NRXN3: variants seen among roughly 807,000 people sequenced by gnomAD.
NRXN3 encodes the protein neurexin 3, also known as neurexin III.
NRXN3 carries 32 observed loss-of-function variants against 137.6 expected under a neutral mutation model. The ratio of observed to expected loss-of-function variants is 0.23; its 90% CI spans 0.18 to 0.31. NRXN3 has a LOEUF of 0.31. NRXN3 is among the 10% of genes least tolerant of loss of function. NRXN3 has a pLI of 1.00. For missense variants in NRXN3, 1,574 were observed against 2,062.5 expected (o/e 0.76, Z 4.59); for synonymous variants, 798 against 784.5 (o/e 1.02, Z -0.29).
At chr14:79,508,517 G>T (rs1356592862) in intron 16 of NRXN3, among the ~76,000 whole-genome samples, 1 of 150,136 alleles carries the variant, frequency 6.7e-6, no homozygotes, top group Non-Finnish European at 1.5e-5. Flanking sequence ...AGCCTCCCAA[G>T]TAACTGGGAT....
intron 4 of NRXN3, among the ~76,000 whole-genome samples, chr14:78,376,307 A>T (rs1323643077): frequency 1.3e-5 from 2 of 152,202 alleles, no homozygotes; most frequent in Non-Finnish European, 2.9e-5. Flanking sequence ...GCTTCTACTC[A>T]GCTAGAGCAA....
chr14:78,630,900 C>T (rs1048626760), intron 4 of NRXN3, among the ~76,000 whole-genome samples: 2 of 152,166 alleles, frequency 1.3e-5, no homozygotes, highest in South Asian at 2.1e-4. Flanking sequence ...CCGCTGCACC[C>T]GGCCATTTTT....
At chr14:78,681,954 G>T (rs2098080420) in intron 6 of NRXN3, among the ~76,000 whole-genome samples, 1 of 152,014 alleles carries the variant, frequency 6.6e-6, no homozygotes, top group African/African-American at 2.4e-5. Flanking sequence ...TGCAACCTCT[G>T]CCTCCCGGGT....
At chr14:79,846,816 A>C (rs1369936904) in intron 20 of NRXN3, among the ~76,000 whole-genome samples, 1 of 152,160 alleles carries the variant, frequency 6.6e-6, no homozygotes, top group Non-Finnish European at 1.5e-5. Context: ...TTTCCTACCA[A>C]CTAGAATACT....
chr14:79,470,581 A>G (rs1476724140), intron 16 of NRXN3, among the ~76,000 whole-genome samples: 2 of 152,172 alleles, frequency 1.3e-5, no homozygotes, highest in Admixed American at 1.3e-4. Context: ...TTTCCAGCAC[A>G]TGGAATTTTG....
chr14:79,546,877 C>T (rs1172762671), intron 16 of NRXN3, among the ~76,000 whole-genome samples: 2 of 152,138 alleles, frequency 1.3e-5, no homozygotes, highest in African/African-American at 4.8e-5. Flanking sequence ...GGAGAGCAGA[C>T]TCAGACAGAT....
At chr14:79,803,654 AG>A (rs1321650374) in intron 19 of NRXN3, among the ~76,000 whole-genome samples, 2 of 152,040 alleles carry the variant, frequency 1.3e-5, no homozygotes, top group Admixed American at 6.6e-5. Flanking sequence ...ATGAATTTTG[AG>A]GGGACATAAT....
At chr14:79,230,258 T>A (rs2071910366) in intron 15 of NRXN3, among the ~76,000 whole-genome samples, 1 of 152,032 alleles carries the variant, frequency 6.6e-6, no homozygotes, top group East Asian at 1.9e-4. Flanking sequence ...GAGAGGAACA[T>A]GTTGTGTTGG....
chr14:78,897,822 C>G (rs1368924250), intron 10 of NRXN3, among the ~76,000 whole-genome samples: 1 of 151,846 alleles, frequency 6.6e-6, no homozygotes, highest in Non-Finnish European at 1.5e-5. Flanking sequence ...GTATAAATTC[C>G]TTGCTTGGTT....
rs892415467 is a variant in NRXN3 at position 78,242,906 on chromosome 14, G to A, written c.-188G>A. 8.9e-5 allele frequency: 46 copies of A among 517,752 alleles called. No individual in the cohort carries two copies. The Admixed American group carries it at 1.2e-3, about 14-fold the overall frequency. 32.1% of individuals were successfully genotyped at this position (517,752 alleles called of 1,614,324 possible). The stretch of plus-strand genomic sequence containing the variant: ...AATTTCTTGCTTGTGTGCCCCTCTG[G>A]GACTCTCTTGTACACTTTCCTCCAT... On this transcript the variant is annotated 5_prime_UTR_variant, in exon 2 of 21. Transcript: ENST00000335750.
Position 79,644,375 on chromosome 14 carries a change from A to G in NRXN3, c.3445-19403A>G, listed in dbSNP as rs574691486. On this transcript the variant is annotated intron_variant, in intron 16 of 20. Transcript: ENST00000335750. ...GATCTGTCCATGGAAATCTCCTGAG[A>G]GAAGAAGGTTTGGGGATGCATATAA... Among the ~76,000 whole-genome samples the G allele has an allele frequency of 4.4e-5, 6 of 135,996 alleles. No individual in the cohort carries two copies. The East Asian group carries it at 1.2e-3, about 27-fold the overall frequency. The allele number at this position is 135,996 out of a possible 152,430, so 89.2% of individuals were successfully genotyped here. A position where few individuals can be genotyped will look rare whatever the true frequency, so the allele number is the denominator to read the frequency against.
chr14:78,255,209 G>A (rs1020810417), intron 2 of NRXN3, among the ~76,000 whole-genome samples: 1 of 149,338 alleles, frequency 6.7e-6, no homozygotes, highest in Non-Finnish European at 1.5e-5. Flanking sequence ...TCATCATTTT[G>A]TGGTTTAAAA....
intron 15 of NRXN3, among the ~76,000 whole-genome samples, chr14:79,326,201 A>G (rs1231688559): frequency 3.3e-5 from 5 of 152,226 alleles, no homozygotes; most frequent in African/African-American, 1.2e-4. Flanking sequence ...GATGGGCAGT[A>G]GAGGCCACAG....
chr14:78,488,604 G>A (rs1013765279), intron 4 of NRXN3, among the ~76,000 whole-genome samples: 1 of 152,072 alleles, frequency 6.6e-6, no homozygotes, highest in Non-Finnish European at 1.5e-5. Flanking sequence ...TGGGGGGAAG[G>A]AAAGTTGGGA....
chr14:79,702,546 G>A (rs1188916671), intron 19 of NRXN3, among the ~76,000 whole-genome samples: 1 of 151,938 alleles, frequency 6.6e-6, no homozygotes, highest in Non-Finnish European at 1.5e-5. Flanking sequence ...GTTGTTAAAA[G>A]CAGAGATTAT....
intron 19 of NRXN3, among the ~76,000 whole-genome samples, chr14:79,707,769 C>A (rs978532440): frequency 7.2e-5 from 11 of 151,990 alleles, no homozygotes; most frequent in African/African-American, 2.7e-4. Flanking sequence ...CATTATCTAG[C>A]ATAGTGTCTT....
chr14:78,654,737 G>T (rs1247359822), intron 6 of NRXN3, among the ~76,000 whole-genome samples: 1 of 152,162 alleles, frequency 6.6e-6, no homozygotes. Flanking sequence ...ATTTTAGTGT[G>T]TCTGTCTCAT....
chr14:78,996,572 G>A (rs1035335509), intron 15 of NRXN3, among the ~76,000 whole-genome samples: 4 of 152,100 alleles, frequency 2.6e-5, no homozygotes, highest in African/African-American at 7.2e-5. Flanking sequence ...TTCTTTTGGG[G>A]GGGATGCTAT....
chr14:78,683,461 G>T (rs1011336448), intron 6 of NRXN3, among the ~76,000 whole-genome samples: 1 of 152,162 alleles, frequency 6.6e-6, no homozygotes, highest in African/African-American at 2.4e-5. Context: ...CATTTTAGAC[G>T]TGCTTTATTT....
Sources: allele counts gnomAD v4.1 joint callset (sites outside exome capture counted in the v4.1 genomes callset), GRCh38; gene constraint gnomAD v4.1.1; transcripts MANE v1.5; gene names NCBI Gene and HGNC (gene_info 2026-07-23, HGNC 2026-07-21).